The following JMJD8 variants were observed in gnomAD, a reference collection of about 807,000 sequenced individuals.
JMJD8 encodes jumonji domain containing 8, also known as jmjC domain-containing protein 8.
JMJD8 carries 56 observed loss-of-function variants against 37.6 expected under a neutral mutation model. The observed-to-expected ratio is 1.49, with a 90% CI of 1.20 to 1.86. The LOEUF (loss-of-function observed/expected upper bound fraction) is 1.86, where lower values mean the gene tolerates loss of function less well. JMJD8 is among the 40% of genes most tolerant of loss of function. The pLI is 0.00. For missense variants in JMJD8, 542 were observed against 362.7 expected, an observed-to-expected ratio of 1.49 and a Z score of -4.01; for synonymous variants, 261 against 163.7, an observed-to-expected ratio of 1.59 and a Z score of -4.54.
At position 684,224 on chromosome 16, in the gene JMJD8, G is replaced by A; in HGVS notation, c.86+10C>T. 1 of 1,335,614 alleles carries A rather than the reference G, an allele frequency of 7.5e-7. No individual in the cohort carries two copies. Among genetic ancestry groups the A allele is most frequent in the Non-Finnish European group, 9.5e-7 (1 of 1,051,714 alleles). 82.7% of individuals were successfully genotyped at this position (1,335,614 alleles called of 1,614,324 possible). On this transcript the variant is annotated intron_variant, in intron 1 of 8. Coordinates refer to ENST00000609261, the MANE Select transcript of JMJD8 (RefSeq NM_001005920.4). ...TGACCCCACCGCCCGGCCCCTCCCGGGCCGCTCACCACCCGCCGTCGCCCT... is the reference window on the plus strand; with the variant it reads ...TGACCCCACCGCCCGGCCCCTCCCGAGCCGCTCACCACCCGCCGTCGCCCT...
intron 1 of JMJD8, 24 bp from the exon 2 acceptor site, chr16:684,179 C>G (rs2039834457): frequency 7.5e-7 from 1 of 1,329,588 alleles, no homozygotes; most frequent in African/African-American, 1.6e-5. Context: ...TGGGTCAGCC[C>G]GCGCCCCGCC....
chr16:682,564 T>C lies in JMJD8; in HGVS notation c.*230A>G, dbSNP rs1016166497. On this transcript the variant is annotated 3_prime_UTR_variant, in exon 9 of 9. Coordinates refer to ENST00000609261, the MANE Select transcript of JMJD8 (RefSeq NM_001005920.4). ...GCCCCCGGCCCCTATACATAGTTTA[T>C]GTTCCTGGCCACCCCGACCGCTTCC... 1.9e-6 allele frequency: 3 copies of C among 1,590,984 alleles called. No homozygotes were observed. Among genetic ancestry groups the C allele is most frequent in the Non-Finnish European group, 2.6e-6 (3 of 1,165,966 alleles).
Position 684,237 on chromosome 16 carries a change from C to T in JMJD8, c.83G>A (p.Gly28Glu), listed in dbSNP as rs958028935. Reference protein sequence around the residue: ...LPGSGAEGDGGWRPGGPGAVA... With the variant: ...LPGSGAEGDGEWRPGGPGAVA... Reference sequence around the variant, plus strand: ...CGGCCCCTCCCGGGCCGCTCACCACCCGCCGTCGCCCTCCGCCCCGGAGCC... The same window carrying T: ...CGGCCCCTCCCGGGCCGCTCACCACTCGCCGTCGCCCTCCGCCCCGGAGCC... The change falls in exon 1 of 9, where the codon GGG (glycine) becomes GAG (glutamate). Residue 28 changes from glycine to glutamate, a missense_variant. Transcript: ENST00000609261. The T allele has an allele frequency of 8.2e-6, 11 of 1,345,292 alleles. No homozygotes were observed. The highest frequency in any genetic ancestry group is 1.5e-5 in the African/African-American group (1 of 64,686). 83.3% of individuals were successfully genotyped at this position (1,345,292 alleles called of 1,614,324 possible).
At position 682,826 on chromosome 16, in the gene JMJD8, T is replaced by C. The variant is rs756413778; in HGVS notation, c.763A>G (p.Thr255Ala). ...AGGAAGGTGGAGATGAAGACGCTGG[T>C]GTCAAGGTTGAGCGTAGCATGCCAC... is the stretch of plus-strand genomic sequence containing the variant. ...RWWHATLNLDTSVFISTFLG is the reference protein window; with the variant it reads ...RWWHATLNLDASVFISTFLG The change falls in exon 9 of 9, where the codon ACC (threonine) becomes GCC (alanine). Residue 255 changes from threonine to alanine, a missense_variant. By Grantham distance (58) the Thr-to-Ala change is moderately conservative. Transcript: ENST00000609261. The C allele has an allele frequency of 1.2e-5, 20 of 1,612,898 alleles. No individual in the cohort carries two copies. The highest frequency in any genetic ancestry group is 1.7e-5 in the Non-Finnish European group (20 of 1,179,884).
At position 682,699 on chromosome 16, in the gene JMJD8, C is replaced by T. The variant is rs2039722993; in HGVS notation, c.*95G>A. On this transcript the variant is annotated 3_prime_UTR_variant, in exon 9 of 9. Coordinates refer to ENST00000609261, the MANE Select transcript of JMJD8 (RefSeq NM_001005920.4). ...GAAAAGCAGGTGAGGGTGGGCTGGG[C>T]TGAGGCCATTGCCGCCACTATCTGT... 1 of 1,479,458 alleles carries T rather than the reference C, an allele frequency of 6.8e-7. No homozygotes were observed. The highest frequency in any genetic ancestry group is 1.9e-5 in the Admixed American group (1 of 51,808). The allele number at this position is 1,479,458 out of a possible 1,614,324, so 91.6% of individuals were successfully genotyped here.
chr16:681,734 G>A lies in JMJD8; in HGVS notation c.*1060C>T, dbSNP rs141948106. ...AAGTGTGGATGTTAGCTCTGAGATT[G>A]GGGTGTGGTCAGACATCTGGCCAGG... On this transcript the variant is annotated 3_prime_UTR_variant, in exon 9 of 9. Coordinates refer to ENST00000609261, the MANE Select transcript of JMJD8 (RefSeq NM_001005920.4). 1.9e-6 allele frequency: 3 copies of A among 1,553,048 alleles called. No individual in the cohort carries two copies. Among genetic ancestry groups the A allele is most frequent in the Admixed American group, 1.8e-5 (1 of 55,988 alleles).
rs1398559680 is a variant in JMJD8 at position 682,323 on chromosome 16, C to T, written c.*471G>A. 1.2e-6 allele frequency: 2 copies of T among 1,612,952 alleles called. No homozygotes were observed. Among genetic ancestry groups the T allele is most frequent in the Admixed American group, 1.7e-5 (1 of 60,030 alleles). On this transcript the variant is annotated 3_prime_UTR_variant, in exon 9 of 9. Coordinates refer to ENST00000609261, the MANE Select transcript of JMJD8 (RefSeq NM_001005920.4). ...GGGGAGCAGGGCCAGTGGCATGGTC[C>T]TGGGCCCCATGACTGCCCTCTGCCC... is the stretch of plus-strand genomic sequence containing the variant.
chr16:684,031 C>T (rs1357587897), intron 2 of JMJD8, 35 bp downstream of exon 2: 3 of 1,573,124 alleles, frequency 1.9e-6, no homozygotes, highest in Non-Finnish European at 2.6e-6. Flanking sequence ...GGCCGGTGAA[C>T]AGGACGCGAC....
In JMJD8 at chr16:683,757, CGCGGGA is replaced by C. The variant is rs1567288340; in HGVS notation, c.244_249del (p.Ser82_Arg83del). ...TCCCCAAACGAAGCCAGCAACCTGTCGCGGGAGCACAGGGCCCGGAACCTCTGCGGG... is the reference window on the plus strand; with the variant it reads ...TCCCCAAACGAAGCCAGCAACCTGTCGCACAGGGCCCGGAACCTCTGCGGG... On this transcript the variant is annotated inframe_deletion, in exon 4 of 9. Transcript: ENST00000609261. The C allele has an allele frequency of 6.2e-7, 1 of 1,609,002 alleles. No homozygotes were observed. The highest frequency in any genetic ancestry group is 1.3e-5 in the African/African-American group (1 of 74,864).
chr16:682,993 G>T lies in JMJD8; in HGVS notation c.674C>A (p.Pro225Gln), dbSNP rs571730014. Residue 225 changes from proline to glutamine, a missense_variant, in exon 8 of 9, where the codon CCG (proline) becomes CAG (glutamine). Physicochemically the swap from Pro to Gln is moderately conservative, Grantham distance 76 (BLOSUM62 -1). Transcript: ENST00000609261. Reference protein sequence around the residue: ...WLRDTYPALPPSARPLECTIR... With the variant: ...WLRDTYPALPQSARPLECTIR... ...GGTACACTCCAGGGGCCGTGCAGAC[G>T]GTGGCAGGGCTGGGTATGTGTCCCG... 9 of 1,613,400 alleles carry T rather than the reference G, an allele frequency of 5.6e-6. No individual in the cohort carries two copies. The highest frequency in any genetic ancestry group is 1.6e-4 in the Middle Eastern group (1 of 6,062).
In JMJD8 at chr16:681,953, G is replaced by C; in HGVS notation, c.*841C>G. 1 of 1,612,714 alleles carries C rather than the reference G, an allele frequency of 6.2e-7. No individual in the cohort carries two copies. The highest frequency in any genetic ancestry group is 8.5e-7 in the Non-Finnish European group (1 of 1,179,314). On this transcript the variant is annotated 3_prime_UTR_variant, in exon 9 of 9. Coordinates refer to ENST00000609261, the MANE Select transcript of JMJD8 (RefSeq NM_001005920.4). The stretch of plus-strand genomic sequence containing the variant: ...CGTGGGAGCATCCCCGCCTTGTGTT[G>C]GGTCTGTGCCCCATGGAGGAGGGAG...
intron 5 of JMJD8, 31 bp from the exon 6 acceptor site, chr16:683,472 C>A: frequency 6.5e-7 from 1 of 1,549,394 alleles, no homozygotes. Context: ...GACAGGGATC[C>A]TGGCACCTGG....
In JMJD8 at chr16:681,695, C is replaced by T; in HGVS notation, c.*1099G>A. 2 of 1,555,014 alleles carry T rather than the reference C, an allele frequency of 1.3e-6. No individual in the cohort carries two copies. Among genetic ancestry groups the T allele is most frequent in the Non-Finnish European group, 8.7e-7 (1 of 1,145,420 alleles). ...GTTTATCGAAGGCTTTACTGGCAAG[C>T]AGGAAATGTGGGGAAGTGTGGATGT... On this transcript the variant is annotated 3_prime_UTR_variant, in exon 9 of 9. Transcript: ENST00000609261.
Position 683,095 on chromosome 16 carries a change from C to A in JMJD8, c.580-8G>T, listed in dbSNP as rs1169532067. On this transcript the variant is annotated splice_region_variant and splice_polypyrimidine_tract_variant and intron_variant, in intron 7 of 8. Coordinates refer to ENST00000609261, the MANE Select transcript of JMJD8 (RefSeq NM_001005920.4). ...TGGGTAAAGGAACCAGCGCTGGGGG[C>A]ATGAGCAGCAGTGTCACCCTTGCCC... The A allele has an allele frequency of 4.3e-6, 7 of 1,613,458 alleles. No individual in the cohort carries two copies. The highest frequency in any genetic ancestry group is 5.1e-6 in the Non-Finnish European group (6 of 1,179,866).
rs1382417837 is a variant in JMJD8 at position 683,717 on chromosome 16, A to C, written c.290T>G (p.Leu97Arg). The C allele has an allele frequency of 6.2e-7, 1 of 1,607,888 alleles. No individual in the cohort carries two copies. The highest frequency in any genetic ancestry group is 1.3e-5 in the African/African-American group (1 of 74,838). Residue 97 changes from leucine (L) to arginine (R), a missense_variant, in exon 4 of 9, where the codon CTG becomes CGG. Transcript: ENST00000609261. ...LASFGDRVVRLSTANTYSYHK... is the reference protein window; with the variant it reads ...LASFGDRVVRRSTANTYSYHK... ...GTAGGAGTAGGTGTTGGCGGTGCTCAGCCGGACCACTCTGTCCCCAAACGA... is the reference window on the plus strand; with the variant it reads ...GTAGGAGTAGGTGTTGGCGGTGCTCCGCCGGACCACTCTGTCCCCAAACGA...
Position 683,382 on chromosome 16 carries a change from A to T in JMJD8, c.451T>A (p.Tyr151Asn). 6.4e-7 allele frequency: 1 copy of T among 1,556,404 alleles called. No homozygotes were observed. The highest frequency in any genetic ancestry group is 8.7e-7 in the Non-Finnish European group (1 of 1,149,718). ...FTEWASLFRH[Y>N]SPPPFGLLGT... ...AGCAGGCCAAATGGGGGTGGGGAGT[A>T]GTGCCGAAAGAGAGAGGCCCACTCG... The change falls in exon 6 of 9, where the codon TAC (tyrosine) becomes AAC (asparagine). Residue 151 changes from tyrosine (Y) to asparagine (N), a missense_variant. Transcript: ENST00000609261.
chr16:684,136 C>A lies in JMJD8; in HGVS notation c.106G>T (p.Ala36Ser). ...GTGCAGCGCTCCTCCTCCGCCACGGCCCCCGGCCCGCCCGGGCGCCTGCGG... is the reference window on the plus strand; with the variant it reads ...GTGCAGCGCTCCTCCTCCGCCACGGACCCCGGCCCGCCCGGGCGCCTGCGG... The part of the protein sequence containing the change: ...DGGWRPGGPG[A>S]VAEEERCTVE... Residue 36 changes from alanine to serine, a missense_variant, in exon 2 of 9, where the codon GCC becomes TCC. By Grantham distance (99) the Ala-to-Ser change is moderately conservative. Coordinates refer to ENST00000609261, the MANE Select transcript of JMJD8 (RefSeq NM_001005920.4). The A allele has an allele frequency of 6.7e-7, 1 of 1,499,278 alleles. No homozygotes were observed. Among genetic ancestry groups the A allele is most frequent in the Non-Finnish European group, 8.8e-7 (1 of 1,133,144 alleles). 92.9% of individuals were successfully genotyped at this position (1,499,278 alleles called of 1,614,324 possible).
chr16:682,125 G>A lies in JMJD8; in HGVS notation c.*669C>T, dbSNP rs1272501962. 1.9e-6 allele frequency: 3 copies of A among 1,589,182 alleles called. No homozygotes were observed. Among genetic ancestry groups the A allele is most frequent in the South Asian group, 1.1e-5 (1 of 89,450 alleles). Reference sequence around the variant, plus strand: ...GATGGCTGGCAGGTGCTCGTGCAGTGCCCCTTTTCAGCCTCTGACCGTGTG... The same window carrying A: ...GATGGCTGGCAGGTGCTCGTGCAGTACCCCTTTTCAGCCTCTGACCGTGTG... On this transcript the variant is annotated 3_prime_UTR_variant, in exon 9 of 9. Coordinates refer to ENST00000609261, the MANE Select transcript of JMJD8 (RefSeq NM_001005920.4).
In JMJD8 at chr16:683,790, G is replaced by T; in HGVS notation, c.226-9C>A. The T allele has an allele frequency of 6.3e-7, 1 of 1,599,876 alleles. No individual in the cohort carries two copies. Among genetic ancestry groups the T allele is most frequent in the Non-Finnish European group, 8.5e-7 (1 of 1,174,060 alleles). On this transcript the variant is annotated splice_polypyrimidine_tract_variant and intron_variant, in intron 3 of 8. Transcript: ENST00000609261. ...CACAGGGCCCGGAACCTCTGCGGGG[G>T]CGGGGAGGGGACTTAGTGGCCGGGC...
Sources: allele counts gnomAD v4.1 joint callset, GRCh38; gene constraint gnomAD v4.1.1; transcripts MANE v1.5; gene names NCBI Gene and HGNC (gene_info 2026-07-23, HGNC 2026-07-21).